DOCK8: variants seen among roughly 807,000 people sequenced by gnomAD.
The protein encoded by DOCK8 is dedicator of cytokinesis 8.
Under a neutral mutation model 245.6 loss-of-function variants are expected in DOCK8, and 141 were observed. That is an observed-to-expected ratio of 0.57 (90% CI 0.50 to 0.66). The LOEUF (loss-of-function observed/expected upper bound fraction) is 0.66. DOCK8 is among the 30% of genes least tolerant of loss of function. The pLI is 0.00. For synonymous variants in DOCK8, 1,168 were observed against 970.2 expected (o/e 1.20, Z -3.79); for missense variants, 2,965 against 2,603.4 (o/e 1.14, Z -3.02).
chr9:243,759 G>A (rs944138718), intron 1 of DOCK8, among the ~76,000 whole-genome samples: 15 of 152,142 alleles, frequency 9.9e-5, no homozygotes, highest in Admixed American at 7.2e-4. Context: ...ATACCCAAAT[G>A]TGTTTCTCAG....
chr9:400,635 C>T (rs1164912754), intron 26 of DOCK8, among the ~76,000 whole-genome samples: 1 of 101,262 alleles, frequency 9.9e-6, no homozygotes. Context: ...ATCACCACCA[C>T]CTCCACCATC....
chr9:422,056 C>T lies in DOCK8; in HGVS notation c.4162C>T (p.Arg1388Ter), dbSNP rs1476130680. ...CATTTCTTAACTCCTAGGGAACGAC[C>T]GATTTCCAGGCCTAAATGAAAATTT... ...MMRRRAPGND[R>*]FPGLNENLRW... The change falls in exon 33 of 48, where the codon CGA becomes TGA. Residue 1388 changes from arginine to a stop codon, truncating the protein, a stop_gained. Coordinates refer to ENST00000432829, the MANE Select transcript of DOCK8 (RefSeq NM_203447.4). LOFTEE classifies it high-confidence loss of function. 1.9e-6 allele frequency: 3 copies of T among 1,613,828 alleles called. No individual in the cohort carries two copies. The highest frequency in any genetic ancestry group is 2.5e-6 in the Non-Finnish European group (3 of 1,179,862).
At position 396,912 on chromosome 9, in the gene DOCK8, C is replaced by A; in HGVS notation, c.3098C>A (p.Ala1033Asp). The A allele has an allele frequency of 1.2e-6, 2 of 1,614,008 alleles. No homozygotes were observed. The highest frequency in any genetic ancestry group is 1.7e-6 in the Non-Finnish European group (2 of 1,179,998). ...AATGTGGTCACCTCGGAAATTGCAG[C>A]CCTTTTAGTAAAACCACAGAAGGTA... ...IVNVVTSEIA[A>D]LLVKPQKENE... The change falls in exon 25 of 48, where the codon GCC becomes GAC. Residue 1033 changes from alanine (A) to aspartate (D), a missense_variant. Ala to Asp is a moderately radical substitution (Grantham distance 126). Around this residue, in one of 3 missense-constraint regions of DOCK8, gnomAD observed 2,825 missense variants for 2,453.5 expected, o/e 1.15. Coordinates refer to ENST00000432829, the MANE Select transcript of DOCK8 (RefSeq NM_203447.4).
At chr9:241,794 A>T (rs1321304832) in intron 1 of DOCK8, among the ~76,000 whole-genome samples, 2 of 152,196 alleles carry the variant, frequency 1.3e-5, no homozygotes, top group Non-Finnish European at 2.9e-5. Flanking sequence ...TATATTCCAT[A>T]TTAAAGGAAG....
chr9:427,606 G>T (rs1391547139), intron 34 of DOCK8, among the ~76,000 whole-genome samples: 2 of 152,162 alleles, frequency 1.3e-5, no homozygotes, highest in African/African-American at 2.4e-5. Context: ...CCTGAAAAAT[G>T]AGTTCTTACA....
At chr9:419,887 A>G (rs2056202423) in intron 30 of DOCK8, among the ~76,000 whole-genome samples, 2 of 152,244 alleles carry the variant, frequency 1.3e-5, no homozygotes, top group South Asian at 4.1e-4. Flanking sequence ...TAATTTGCTG[A>G]GCAGTTCATG....
intron 2 of DOCK8, among the ~76,000 whole-genome samples, chr9:275,732 G>C (rs765515824): frequency 2.6e-5 from 4 of 151,956 alleles, no homozygotes; most frequent in South Asian, 2.1e-4. Flanking sequence ...AGGAATACAG[G>C]CGTGCACCAC....
At chr9:263,895 G>C (rs1446270605) in intron 1 of DOCK8, among the ~76,000 whole-genome samples, 1 of 152,164 alleles carries the variant, frequency 6.6e-6, no homozygotes, top group African/African-American at 2.4e-5. Flanking sequence ...TTGACTTTCA[G>C]TAGTTCTACT....
At chr9:449,521 C>G (rs369132106) in intron 44 of DOCK8, among the ~76,000 whole-genome samples, 28 of 152,178 alleles carry the variant, frequency 1.8e-4, no homozygotes, top group African/African-American at 6.0e-4. Context: ...TTACAAATCC[C>G]CCTTTGACTG....
chr9:394,225 C>G (rs575443950), intron 24 of DOCK8, among the ~76,000 whole-genome samples: 1 of 147,434 alleles, frequency 6.8e-6, no homozygotes, highest in Admixed American at 6.8e-5. Context: ...CTCGAGACCC[C>G]CTTCCCAGCA....
chr9:277,670 G>GA (rs998141818), intron 2 of DOCK8, among the ~76,000 whole-genome samples: 2 of 151,986 alleles, frequency 1.3e-5, no homozygotes, highest in African/African-American at 2.4e-5. Flanking sequence ...TTTATGGAGG[G>GA]AAAAATCCTA....
intron 30 of DOCK8, among the ~76,000 whole-genome samples, chr9:418,829 G>C (rs2056148662): frequency 1.3e-5 from 2 of 152,158 alleles, no homozygotes; most frequent in South Asian, 2.1e-4. Flanking sequence ...CTCTCTGAGG[G>C]TGGAGGCTTA....
chr9:291,975 C>G (rs1219531656), intron 4 of DOCK8, among the ~76,000 whole-genome samples: 1 of 146,640 alleles, frequency 6.8e-6, no homozygotes. Flanking sequence ...GAGGCTGAGG[C>G]AGGAGGATCA....
chr9:269,678 C>T (rs2048113810), intron 1 of DOCK8, among the ~76,000 whole-genome samples: 1 of 151,550 alleles, frequency 6.6e-6, no homozygotes, highest in Non-Finnish European at 1.5e-5. Flanking sequence ...GCCTCAGCCT[C>T]CCAAGTAGCT....
At chr9:249,538 T>C (rs1267591206) in intron 1 of DOCK8, among the ~76,000 whole-genome samples, 1 of 152,208 alleles carries the variant, frequency 6.6e-6, no homozygotes, top group East Asian at 1.9e-4. Flanking sequence ...CAATTCTTAC[T>C]CTTAGTTTAT....
intron 5 of DOCK8, among the ~76,000 whole-genome samples, chr9:307,177 G>T (rs890369980): frequency 6.6e-6 from 1 of 152,020 alleles, no homozygotes; most frequent in Non-Finnish European, 1.5e-5. Context: ...CAGACACAGC[G>T]GAAATATGAT....
chr9:420,097 C>G, intron 30 of DOCK8: 1 of 450,276 alleles, frequency 2.2e-6, no homozygotes, highest in East Asian at 4.5e-5. Context: ...GATCAAGGCC[C>G]AGGGGTGATC....
chr9:279,625 A>C (rs1001882723), intron 2 of DOCK8, among the ~76,000 whole-genome samples: 3 of 152,228 alleles, frequency 2.0e-5, no homozygotes, highest in African/African-American at 7.2e-5. Context: ...AAGTATGTCA[A>C]GAGGGAGAGA....
At chr9:400,282 T>A (rs1204255803) in intron 26 of DOCK8, among the ~76,000 whole-genome samples, 27 of 16,662 alleles carry the variant, frequency 1.6e-3, no homozygotes, top group Middle Eastern at 0.031. Context: ...CACCACCACT[T>A]CCTTCACCAC....
Sources: allele counts gnomAD v4.1 joint callset (sites outside exome capture counted in the v4.1 genomes callset), GRCh38; gene constraint gnomAD v4.1.1; regional missense constraint gnomAD v4.1.1; transcripts MANE v1.5; gene names NCBI Gene and HGNC (gene_info 2026-07-23, HGNC 2026-07-21).